The following TBL1XR1 variants were observed in gnomAD, a reference collection of about 807,000 sequenced individuals.
The protein encoded by TBL1XR1 is F-box-like/WD repeat-containing protein TBL1XR1.
A neutral mutation model predicts 66.9 loss-of-function variants in TBL1XR1; 5 were observed. The observed-to-expected ratio is 0.07, with a 90% confidence interval of 0.04 to 0.16. TBL1XR1 has a LOEUF of 0.16. TBL1XR1 is among the 10% of genes least tolerant of loss of function. The pLI is 1.00. For missense variants in TBL1XR1, 238 were observed against 623.2 expected (o/e 0.38, Z 6.58); for synonymous variants, 210 against 206.0 (o/e 1.02, Z -0.17).
intron 1 of TBL1XR1, among the ~76,000 whole-genome samples, chr3:177,107,710 C>A (rs559993946): frequency 6.6e-6 from 1 of 152,088 alleles, no homozygotes; most frequent in Admixed American, 6.6e-5. Context: ...GATCATGAAA[C>A]GAAACTACCT....
chr3:177,167,684 A>T (rs1732987347), intron 1 of TBL1XR1, among the ~76,000 whole-genome samples: 1 of 152,172 alleles, frequency 6.6e-6, no homozygotes, highest in Non-Finnish European at 1.5e-5. Context: ...TAATCCCAGC[A>T]CTCTGGGAGG....
At position 177,022,202 on chromosome 3, in the gene TBL1XR1, C is replaced by CA. The variant is rs1474610736; in HGVS notation, c.*3295dup. 6.6e-6 allele frequency: 1 copy of CA among 152,312 alleles called. No individual in the cohort carries two copies. The highest frequency in any genetic ancestry group is 6.6e-5 in the Admixed American group (1 of 15,256). The allele number at this position is 152,312 out of a possible 1,614,324, so 9.4% of individuals were successfully genotyped here. A position where few individuals can be genotyped will look rare whatever the true frequency, so the allele number is the denominator to read the frequency against. ...CTTGACATTTTCGTATGTCAAAAAG[C>CA]AAAAAACCTTCATGTATTTCAATCT... On this transcript the variant is annotated 3_prime_UTR_variant, in exon 16 of 16. Coordinates refer to ENST00000457928, the MANE Select transcript of TBL1XR1 (RefSeq NM_024665.7).
rs768850049 is a variant in TBL1XR1, at chr3:177,025,516, T to G, written c.1527A>C (p.Val509=). ...AGTAGCGCTATTTCCGAAGGTCTAA[T>G]ACACAAACCTGTAAGAAATTAAAAT... is the stretch of plus-strand genomic sequence containing the variant. ...GASASDGSVC[V]LDLRK Residue 509 remains valine, a synonymous_variant, in exon 16 of 16, where the codon GTA becomes GTC. Coordinates refer to ENST00000457928, the MANE Select transcript of TBL1XR1 (RefSeq NM_024665.7). The G allele has an allele frequency of 2.4e-5, 39 of 1,612,666 alleles. No individual in the cohort carries two copies. In the Middle Eastern group the frequency reaches 5.3e-4, roughly 22 times the overall value.
At chr3:177,107,299 A>ATTC (rs1367527926) in intron 1 of TBL1XR1, among the ~76,000 whole-genome samples, 2 of 152,232 alleles carry the variant, frequency 1.3e-5, no homozygotes, top group Non-Finnish European at 2.9e-5. Context: ...CCTTACAGAA[A>ATTC]ACATTTCCTT....
At chr3:177,198,516 A>G (rs1256647185), upstream of TBL1XR1, among the ~76,000 whole-genome samples, 2 of 152,200 alleles carry the variant, frequency 1.3e-5, no homozygotes, top group Non-Finnish European at 2.9e-5. Context: ...ATAATGTGGC[A>G]GTATGGTTGA....
chr3:177,190,472 C>T (rs1334965628), intron 1 of TBL1XR1, among the ~76,000 whole-genome samples: 1 of 152,178 alleles, frequency 6.6e-6, no homozygotes, highest in Non-Finnish European at 1.5e-5. Context: ...TGTGCCACCA[C>T]TCCCAGCTAA....
Position 177,134,971 on chromosome 3 carries a change from G to GTGTGTGTGTGTGTGTGTGTGTGTC in TBL1XR1, c.-121-36431_-121-36430insGACACACACACACACACACACACA, listed in dbSNP as rs1283330297. ...TGTGTGTGTGTGTGTGTGTGTCTGT[G>GTGTGTGTGTGTGTGTGTGTGTGTC]TGTGTGTCTGTGTGTGTGTGTTTTG... On this transcript the variant is annotated intron_variant, in intron 1 of 15. Transcript: ENST00000457928. 2.2e-3 allele frequency among the ~76,000 whole-genome samples: 328 copies of GTGTGTGTGTGTGTGTGTGTGTGTC among 146,096 alleles called. 4 individuals are homozygous for GTGTGTGTGTGTGTGTGTGTGTGTC. The highest frequency in any genetic ancestry group is 0.015 in the East Asian group (69 of 4,600).
At chr3:177,068,000 G>A (rs113486654) in intron 2 of TBL1XR1, among the ~76,000 whole-genome samples, 1 of 152,112 alleles carries the variant, frequency 6.6e-6, no homozygotes, top group African/African-American at 2.4e-5. Context: ...TAGAACAACT[G>A]TCTTTAAACT....
chr3:177,044,131 G>A (rs535955684), intron 10 of TBL1XR1, among the ~76,000 whole-genome samples: 2 of 152,098 alleles, frequency 1.3e-5, no homozygotes, highest in South Asian at 2.1e-4. Context: ...CCGCAGCATC[G>A]AATCTGTGGT....
At chr3:177,099,884 C>T (rs1723975049) in intron 1 of TBL1XR1, among the ~76,000 whole-genome samples, 1 of 152,318 alleles carries the variant, frequency 6.6e-6, no homozygotes, top group South Asian at 2.1e-4. Context: ...AACTTTTTGG[C>T]ATACATGCAT....
intron 2 of TBL1XR1, among the ~76,000 whole-genome samples, chr3:177,077,570 G>A (rs1720847403): frequency 6.6e-6 from 1 of 152,134 alleles, no homozygotes; most frequent in African/African-American, 2.4e-5. Flanking sequence ...CAGCCTAAGA[G>A]TCTCCTAAGT....
upstream of TBL1XR1, among the ~76,000 whole-genome samples, chr3:177,200,152 A>G (rs1177544201): frequency 1.3e-5 from 2 of 152,016 alleles, no homozygotes; most frequent in Non-Finnish European, 2.9e-5. Flanking sequence ...TTGTATTTTT[A>G]GTAGAGATGG....
At chr3:177,192,835 T>A (rs1483916651) in intron 1 of TBL1XR1, among the ~76,000 whole-genome samples, 1 of 152,120 alleles carries the variant, frequency 6.6e-6, no homozygotes, top group Non-Finnish European at 1.5e-5. Flanking sequence ...AAGTTGACTG[T>A]CCCCTTACAC....
chr3:177,073,292 A>G (rs1720277803), intron 2 of TBL1XR1, among the ~76,000 whole-genome samples: 1 of 152,200 alleles, frequency 6.6e-6, no homozygotes, highest in Non-Finnish European at 1.5e-5. Context: ...GAAAAACTGG[A>G]AAACAGGCTC....
Position 177,028,374 on chromosome 3 carries a change from G to A in TBL1XR1, c.1417-1900C>T, listed in dbSNP as rs977390921. Among the ~76,000 whole-genome samples the A allele has an allele frequency of 2.6e-5, 4 of 152,206 alleles. No individual in the cohort carries two copies. The East Asian group carries it at 5.8e-4, about 22-fold the overall frequency. ...TTGGTCAAATGCCCTTCAATGTCTT[G>A]TAGTATCTTCCATTAGCACTCTACA... On this transcript the variant is annotated intron_variant, in intron 14 of 15. Coordinates refer to ENST00000457928, the MANE Select transcript of TBL1XR1 (RefSeq NM_024665.7).
upstream of TBL1XR1, among the ~76,000 whole-genome samples, chr3:177,197,915 G>T (rs1183417741): frequency 6.7e-6 from 1 of 149,892 alleles, no homozygotes; most frequent in Admixed American, 6.6e-5. Flanking sequence ...GCCCGAGACG[G>T]GTGGGGGCGG....
chr3:177,087,030 T>C (rs1722216062), intron 2 of TBL1XR1: 1 of 146,704 alleles, frequency 6.8e-6, no homozygotes, highest in South Asian at 2.3e-4. Context: ...GAGGAGAAGT[T>C]GGTTTTGCTG....
rs148128244 is a variant in TBL1XR1, at chr3:177,029,600, G to A, written c.1417-3126C>T. On this transcript the variant is annotated intron_variant, in intron 14 of 15. Coordinates refer to ENST00000457928, the MANE Select transcript of TBL1XR1 (RefSeq NM_024665.7). ...TCTGCCACTGCATTCCAGCCTAGGC[G>A]ACATAGTGAGACTCTATCTCAAGAC... 1.2e-3 allele frequency among the ~76,000 whole-genome samples: 177 copies of A among 152,122 alleles called. 4 individuals carry two copies. Among genetic ancestry groups the A allele is most frequent in the African/African-American group, 4.0e-3 (165 of 41,480 alleles).
chr3:177,054,387 C>A (rs1017547316), intron 3 of TBL1XR1, among the ~76,000 whole-genome samples: 1 of 151,964 alleles, frequency 6.6e-6, no homozygotes, highest in African/African-American at 2.4e-5. Context: ...TCTTTCATCC[C>A]AGCCCAGTTC....
Sources: allele counts gnomAD v4.1 joint callset (sites outside exome capture counted in the v4.1 genomes callset), GRCh38; gene constraint gnomAD v4.1.1; transcripts MANE v1.5; gene names NCBI Gene and HGNC (gene_info 2026-07-23, HGNC 2026-07-21).